Variants in TMTC1 observed in about 807,000 individuals in gnomAD.
TMTC1 encodes the protein protein O-mannosyl-transferase TMTC1.
Under a neutral mutation model 104.8 loss-of-function variants are expected in TMTC1, and 73 were observed. The observed-to-expected ratio is 0.70, with a 90% CI of 0.58 to 0.85. The LOEUF (loss-of-function observed/expected upper bound fraction) is 0.85, where lower values mean the gene tolerates loss of function less well. Among genes scored for constraint, TMTC1 ranks in the 40% least tolerant of loss-of-function variants. TMTC1 has a pLI of 0.00. For missense variants in TMTC1, 1,035 were observed against 1,096.1 expected (o/e 0.94, Z 0.79); for synonymous variants, 434 against 428.7 (o/e 1.01, Z -0.15).
intron 10 of TMTC1, among the ~76,000 whole-genome samples, chr12:29,540,701 G>A (rs1034877802): frequency 2.0e-5 from 3 of 151,346 alleles, no homozygotes; most frequent in African/African-American, 7.3e-5. Context: ...AAAAATCACC[G>A]TAGTTTTGGC....
chr12:29,717,619 A>T (rs1372399248), intron 5 of TMTC1, among the ~76,000 whole-genome samples: 1 of 152,250 alleles, frequency 6.6e-6, no homozygotes, highest in Non-Finnish European at 1.5e-5. Flanking sequence ...AAATTAGTTT[A>T]GAAAATTCTA....
intron 5 of TMTC1, among the ~76,000 whole-genome samples, chr12:29,664,860 C>G (rs1283984606): frequency 6.6e-6 from 1 of 152,116 alleles, no homozygotes; most frequent in East Asian, 1.9e-4. Flanking sequence ...TCAAGTTCTC[C>G]ATTCTTTTCC....
At chr12:29,749,704 C>T (rs1013362706) in intron 5 of TMTC1, among the ~76,000 whole-genome samples, 5 of 152,010 alleles carry the variant, frequency 3.3e-5, no homozygotes, top group African/African-American at 9.7e-5. Context: ...TTTATTCTCT[C>T]CCCAACCCCC....
At chr12:29,615,478 T>C (rs1223319247) in intron 6 of TMTC1, among the ~76,000 whole-genome samples, 1 of 152,080 alleles carries the variant, frequency 6.6e-6, no homozygotes, top group Non-Finnish European at 1.5e-5. Context: ...AAGAAAAAAA[T>C]ACCTGTAGAG....
intron 6 of TMTC1, chr12:29,613,792 A>T (rs370458842): frequency 5.2e-6 from 1 of 193,940 alleles, no homozygotes; most frequent in African/African-American, 2.4e-5. Flanking sequence ...CTATAGCTCA[A>T]ATGTTTCTGT....
chr12:29,701,689 G>A (rs1206333560), intron 5 of TMTC1, among the ~76,000 whole-genome samples: 1 of 152,132 alleles, frequency 6.6e-6, no homozygotes, highest in African/African-American at 2.4e-5. Context: ...CTTACTAAAT[G>A]CTTTCACTCC....
chr12:29,541,656 CTTTTT>C (rs35079677), intron 10 of TMTC1, among the ~76,000 whole-genome samples: 3 of 115,612 alleles, frequency 2.6e-5, no homozygotes, highest in Non-Finnish European at 3.4e-5. Flanking sequence ...TTCACTGTTG[CTTTTT>C]TTTTTTTTTT....
intron 5 of TMTC1, among the ~76,000 whole-genome samples, chr12:29,648,667 C>A (rs951512616): frequency 6.6e-6 from 1 of 152,126 alleles, no homozygotes; most frequent in Non-Finnish European, 1.5e-5. Context: ...AGTGCTTGTT[C>A]TAGTCCAGTG....
At chr12:29,633,040 G>A (rs924177635) in intron 6 of TMTC1, 107 bp downstream of exon 6, 1 of 1,031,420 alleles carries the variant, frequency 9.7e-7, no homozygotes, top group Non-Finnish European at 1.4e-6. Flanking sequence ...CATAGACAAG[G>A]AGAGGAGATT....
intron 5 of TMTC1, among the ~76,000 whole-genome samples, chr12:29,717,800 C>A (rs1942126854): frequency 6.6e-6 from 1 of 152,048 alleles, no homozygotes; most frequent in African/African-American, 2.4e-5. Flanking sequence ...ATTCCTTCCA[C>A]AAATGAAAAG....
intron 6 of TMTC1, among the ~76,000 whole-genome samples, chr12:29,627,101 C>CA (rs934213732): frequency 1.3e-5 from 2 of 150,142 alleles, no homozygotes; most frequent in Admixed American, 6.6e-5. Context: ...AACTCCATCT[C>CA]AAAAAAAATA....
At chr12:29,646,528 G>T (rs1231615900) in intron 5 of TMTC1, among the ~76,000 whole-genome samples, 8 of 152,160 alleles carry the variant, frequency 5.3e-5, no homozygotes, top group Non-Finnish European at 1.2e-4. Flanking sequence ...AAGTGATCCA[G>T]ATCTGCATTT....
intron 5 of TMTC1, among the ~76,000 whole-genome samples, chr12:29,643,060 G>A (rs1938935276): frequency 1.3e-5 from 2 of 151,934 alleles, no homozygotes; most frequent in Admixed American, 1.3e-4. Flanking sequence ...CATCACTAAT[G>A]ATCGGGGAAA....
chr12:29,704,871 C>A (rs1398898114), intron 5 of TMTC1, among the ~76,000 whole-genome samples: 2 of 152,204 alleles, frequency 1.3e-5, no homozygotes, highest in Non-Finnish European at 2.9e-5. Context: ...CTGGGCCTCT[C>A]ACTTTTAGAG....
intron 5 of TMTC1, among the ~76,000 whole-genome samples, chr12:29,743,529 T>C (rs1465573853): frequency 6.6e-6 from 1 of 152,012 alleles, no homozygotes; most frequent in Non-Finnish European, 1.5e-5. Context: ...AAAAAAAAAA[T>C]TTCATTTAAG....
intron 5 of TMTC1, among the ~76,000 whole-genome samples, chr12:29,635,968 AG>A (rs1167802191): frequency 6.6e-6 from 1 of 152,270 alleles, no homozygotes; most frequent in Non-Finnish European, 1.5e-5. Flanking sequence ...ATAACCACTT[AG>A]GACACCGTCA....
intron 5 of TMTC1, among the ~76,000 whole-genome samples, chr12:29,748,411 G>A (rs2136962793): frequency 6.6e-6 from 1 of 152,306 alleles, no homozygotes; most frequent in African/African-American, 2.4e-5. Context: ...GCTCCACATA[G>A]AAATCAAACA....
At chr12:29,745,851 T>C (rs1265516803) in intron 5 of TMTC1, among the ~76,000 whole-genome samples, 8 of 152,178 alleles carry the variant, frequency 5.3e-5, no homozygotes, top group African/African-American at 1.9e-4. Flanking sequence ...GGTCTACCAC[T>C]ATCATGCTCC....
intron 2 of TMTC1, among the ~76,000 whole-genome samples, chr12:29,760,015 A>G (rs1193671490): frequency 6.6e-6 from 1 of 152,150 alleles, no homozygotes; most frequent in Non-Finnish European, 1.5e-5. Context: ...CCATATTTCT[A>G]TTGTATATTT....
Sources: allele counts gnomAD v4.1 joint callset (sites outside exome capture counted in the v4.1 genomes callset), GRCh38; gene constraint gnomAD v4.1.1; transcripts MANE v1.5; gene names NCBI Gene and HGNC (gene_info 2026-07-23, HGNC 2026-07-21).